NTPCR: variants seen among roughly 807,000 people sequenced by gnomAD.
The protein encoded by NTPCR is cancer-related nucleoside-triphosphatase.
A neutral mutation model predicts 19.5 loss-of-function variants in NTPCR; 15 were observed. The observed-to-expected ratio is 0.77, with a 90% CI of 0.51 to 1.18. NTPCR has a LOEUF of 1.18. NTPCR is among the 50% of genes most tolerant of loss of function. The pLI is 0.00. For synonymous variants in NTPCR, 90 were observed against 95.8 expected (o/e 0.94, Z 0.36); for missense variants, 206 against 240.4 (o/e 0.86, Z 0.95).
At chr1:232,973,222 G>A (rs1669031768) in intron 4 of NTPCR, among the ~76,000 whole-genome samples, 5 of 152,086 alleles carry the variant, frequency 3.3e-5, no homozygotes, top group Admixed American at 2.6e-4. Context: ...ACTTTCCAAT[G>A]AATATGCATA....
chr1:232,964,659 A>C (rs1668763968), intron 3 of NTPCR: 1 of 152,196 alleles, frequency 6.6e-6, no homozygotes. Context: ...TTGAAGCTGC[A>C]CTAAAAAAAA....
chr1:232,975,508 T>C (rs1669101535), intron 4 of NTPCR, among the ~76,000 whole-genome samples: 1 of 152,174 alleles, frequency 6.6e-6, no homozygotes, highest in Non-Finnish European at 1.5e-5. Flanking sequence ...TATACAACTA[T>C]GTGCAAGAAA....
At chr1:232,974,468 A>G (rs1006975687) in intron 4 of NTPCR, among the ~76,000 whole-genome samples, 1 of 152,180 alleles carries the variant, frequency 6.6e-6, no homozygotes, top group Admixed American at 6.5e-5. Context: ...TCCTCTGTTG[A>G]CTTTTGAAGA....
chr1:232,970,377 A>C (rs113222663), intron 4 of NTPCR, among the ~76,000 whole-genome samples: 8 of 152,330 alleles, frequency 5.3e-5, no homozygotes, highest in African/African-American at 1.7e-4. Flanking sequence ...CTCACCAGAC[A>C]CTAGGACCTC....
intron 4 of NTPCR, among the ~76,000 whole-genome samples, chr1:232,972,121 C>T (rs1558133813): frequency 6.6e-6 from 1 of 152,136 alleles, no homozygotes; most frequent in Non-Finnish European, 1.5e-5. Context: ...CACATTTCTT[C>T]CGCTCTCTGA....
At chr1:232,976,013 G>T (rs1045828681) in intron 4 of NTPCR, among the ~76,000 whole-genome samples, 1 of 152,210 alleles carries the variant, frequency 6.6e-6, no homozygotes, top group Non-Finnish European at 1.5e-5. Context: ...AATATCATAA[G>T]TGAATACTGC....
chr1:232,976,581 C>T (rs1669130220), intron 4 of NTPCR: 2 of 1,464,286 alleles, frequency 1.4e-6, no homozygotes, highest in Non-Finnish European at 1.8e-6. Context: ...ATCAAAAAGC[C>T]TTATAGGCTT....
intron 3 of NTPCR, chr1:232,964,515 C>T (rs1218727021): frequency 6.6e-6 from 1 of 152,178 alleles, no homozygotes; most frequent in East Asian, 1.9e-4. Context: ...TTTATCTAAA[C>T]TTTATTAGAT....
intron 3 of NTPCR, among the ~76,000 whole-genome samples, chr1:232,957,992 G>A (rs1375803641): frequency 6.6e-6 from 1 of 152,122 alleles, no homozygotes; most frequent in Non-Finnish European, 1.5e-5. Flanking sequence ...ATTCTAAATG[G>A]CAGGAACAGA....
At chr1:232,950,956 C>G (rs1347109583) in intron 1 of NTPCR, 3 of 534,462 alleles carry the variant, frequency 5.6e-6, no homozygotes, top group Non-Finnish European at 9.9e-6. Flanking sequence ...GATTAGAACA[C>G]ACTTGTGAGG....
At chr1:232,970,975 G>C (rs1668959571) in intron 4 of NTPCR, among the ~76,000 whole-genome samples, 1 of 152,202 alleles carries the variant, frequency 6.6e-6, no homozygotes, top group African/African-American at 2.4e-5. Flanking sequence ...GTGGTTTTTA[G>C]GTCCCCCGCA....
chr1:232,972,650 T>C (rs1669016531), intron 4 of NTPCR, among the ~76,000 whole-genome samples: 1 of 150,464 alleles, frequency 6.6e-6, no homozygotes, highest in Non-Finnish European at 1.5e-5. Flanking sequence ...TGATCTCGAA[T>C]TGAAGAGCTG....
chr1:232,956,577 TA>T (rs1668519182), intron 3 of NTPCR, 134 bp downstream of exon 3: 4 of 645,808 alleles, frequency 6.2e-6, no homozygotes, highest in Non-Finnish European at 1.1e-5. Flanking sequence ...GATTGAGTCT[TA>T]ATAAGGATAA....
chr1:232,974,929 T>C (rs542735318), intron 4 of NTPCR, among the ~76,000 whole-genome samples: 32 of 152,342 alleles, frequency 2.1e-4, no homozygotes, highest in South Asian at 6.2e-4. Flanking sequence ...AGTCAAATCA[T>C]AGCAGGTGAC....
chr1:232,954,352 A>G (rs553907005), intron 1 of NTPCR, among the ~76,000 whole-genome samples: 1 of 152,338 alleles, frequency 6.6e-6, no homozygotes, highest in African/African-American at 2.4e-5. Flanking sequence ...AATAAGAATA[A>G]TGGATCATAT....
chr1:232,960,644 G>C (rs538864357), intron 3 of NTPCR, among the ~76,000 whole-genome samples: 4 of 152,072 alleles, frequency 2.6e-5, no homozygotes, highest in Non-Finnish European at 4.4e-5. Context: ...GCCTAGCCTG[G>C]TTACGTTTCT....
chr1:232,959,104 G>A (rs962734790), intron 3 of NTPCR, among the ~76,000 whole-genome samples: 3 of 152,160 alleles, frequency 2.0e-5, no homozygotes, highest in African/African-American at 7.2e-5. Flanking sequence ...ATTTGGCTCT[G>A]TGTCCCCACC....
intron 4 of NTPCR, chr1:232,976,551 C>A: frequency 6.7e-7 from 1 of 1,498,202 alleles, no homozygotes; most frequent in Admixed American, 2.5e-5. Context: ...TGGACTTTGG[C>A]TAACTTAAGT....
intron 3 of NTPCR, chr1:232,962,680 T>C (rs936338219): frequency 6.6e-6 from 1 of 152,246 alleles, no homozygotes; most frequent in Admixed American, 6.5e-5. Flanking sequence ...TGTCATTTTT[T>C]ACAAAGATCT....
Sources: gnomAD v4.1 joint callset for allele counts (sites outside exome capture counted in the v4.1 genomes callset) on GRCh38, gnomAD v4.1.1 for gene constraint, MANE v1.5 for transcripts, NCBI Gene and HGNC (gene_info 2026-07-23, HGNC 2026-07-21) for gene names.